PLD5: variants seen among roughly 807,000 people sequenced by gnomAD.
PLD5 encodes phospholipase D family member 5, also known as inactive phospholipase D5.
A neutral mutation model predicts 61.1 loss-of-function variants in PLD5; 36 were observed. The observed-to-expected ratio is 0.59, with a 90% CI of 0.45 to 0.78. PLD5 has a LOEUF of 0.78. PLD5 is among the 30% of genes least tolerant of loss of function. PLD5 has a pLI of 0.00. For missense variants in PLD5, 515 were observed against 644.4 expected, an observed-to-expected ratio of 0.80 and a Z score of 2.17; for synonymous variants, 243 against 242.8, an observed-to-expected ratio of 1.00 and a Z score of -0.01.
intron 1 of PLD5, among the ~76,000 whole-genome samples, chr1:242,417,665 T>A (rs1664904698): frequency 6.6e-6 from 1 of 152,182 alleles, no homozygotes; most frequent in African/African-American, 2.4e-5. Context: ...CTGGATGAGG[T>A]CAAGAGCCCT....
intron 5 of PLD5, among the ~76,000 whole-genome samples, chr1:242,155,163 T>G (rs557364135): frequency 6.6e-6 from 1 of 152,294 alleles, no homozygotes; most frequent in East Asian, 1.9e-4. Flanking sequence ...TCTCTGATGG[T>G]AACTTATATT....
intron 1 of PLD5, among the ~76,000 whole-genome samples, chr1:242,367,725 A>G (rs72763069): frequency 0.042 from 6,363 of 152,258 alleles, 310 homozygotes; most frequent in African/African-American, 0.12. Flanking sequence ...CGAAAGAGGT[A>G]CTGAACCCAG....
chr1:242,103,747 C>A (rs183169935), intron 8 of PLD5, among the ~76,000 whole-genome samples: 1 of 152,338 alleles, frequency 6.6e-6, no homozygotes, highest in Admixed American at 6.5e-5. Context: ...GAAAACAGAT[C>A]TGTGGTAGTA....
At chr1:242,459,328 C>T (rs931900991) in intron 1 of PLD5, among the ~76,000 whole-genome samples, 1 of 152,196 alleles carries the variant, frequency 6.6e-6, no homozygotes, top group African/African-American at 2.4e-5. Flanking sequence ...CTCAAGCACA[C>T]TTACCTGCTT....
chr1:242,463,651 A>G (rs912200803), intron 1 of PLD5, among the ~76,000 whole-genome samples: 9 of 151,908 alleles, frequency 5.9e-5, no homozygotes, highest in African/African-American at 1.9e-4. Context: ...CTGCCTTCCC[A>G]TCTATGACCA....
chr1:242,477,542 G>T (rs892373454), intron 1 of PLD5, among the ~76,000 whole-genome samples: 6 of 152,166 alleles, frequency 3.9e-5, no homozygotes, highest in Admixed American at 3.3e-4. Flanking sequence ...AGCTATACCC[G>T]CAGTTGAGGC....
chr1:242,476,359 A>T (rs1667596701), intron 1 of PLD5, among the ~76,000 whole-genome samples: 2 of 152,102 alleles, frequency 1.3e-5, no homozygotes, highest in South Asian at 4.1e-4. Context: ...CCGTCTCAAA[A>T]AAAAAAGAAA....
intron 9 of PLD5, among the ~76,000 whole-genome samples, chr1:242,097,438 C>A (rs1335476997): frequency 6.6e-6 from 1 of 152,122 alleles, no homozygotes; most frequent in East Asian, 1.9e-4. Context: ...TAATGATTGC[C>A]ATTCTAACTG....
At chr1:242,504,122 C>T (rs1479779592) in intron 1 of PLD5, among the ~76,000 whole-genome samples, 1 of 152,032 alleles carries the variant, frequency 6.6e-6, no homozygotes, top group Non-Finnish European at 1.5e-5. Flanking sequence ...AATGTACCTA[C>T]CAGAAATAAT....
At chr1:242,384,663 G>C (rs994125478) in intron 1 of PLD5, among the ~76,000 whole-genome samples, 2 of 152,132 alleles carry the variant, frequency 1.3e-5, no homozygotes, top group Admixed American at 1.3e-4. Flanking sequence ...TGTAGCAAGC[G>C]TTTTGTGAAA....
chr1:242,525,782 A>G (rs1572293330), upstream of PLD5, among the ~76,000 whole-genome samples: 3 of 152,196 alleles, frequency 2.0e-5, no homozygotes, highest in Admixed American at 2.0e-4. Context: ...GGATTTCACA[A>G]ACTTTTAGGA....
chr1:242,103,053 G>A (rs991114442), intron 8 of PLD5, among the ~76,000 whole-genome samples: 2 of 152,186 alleles, frequency 1.3e-5, no homozygotes, highest in Non-Finnish European at 2.9e-5. Flanking sequence ...AACAGTGGGT[G>A]GACATGGACC....
At chr1:242,098,210 A>G (rs1660400043) in intron 9 of PLD5, among the ~76,000 whole-genome samples, 3 of 152,096 alleles carry the variant, frequency 2.0e-5, no homozygotes, top group Admixed American at 1.3e-4. Context: ...TCAGACGTAG[A>G]TTTGGTCTTT....
intron 2 of PLD5, among the ~76,000 whole-genome samples, chr1:242,309,378 G>T (rs57303128): frequency 0.27 from 40,107 of 149,714 alleles, 5,775 homozygotes; most frequent in East Asian, 0.43. Flanking sequence ...TGTAGACTAA[G>T]TTTTCTTTTC....
intron 4 of PLD5, among the ~76,000 whole-genome samples, chr1:242,227,150 T>C (rs1168843799): frequency 6.6e-6 from 1 of 152,128 alleles, no homozygotes; most frequent in African/African-American, 2.4e-5. Flanking sequence ...ATCTCATCTA[T>C]AGATTATTCT....
At chr1:242,268,415 C>T (rs1382637964) in intron 3 of PLD5, among the ~76,000 whole-genome samples, 1 of 152,170 alleles carries the variant, frequency 6.6e-6, no homozygotes, top group Admixed American at 6.5e-5. Flanking sequence ...AAGAGACCAT[C>T]TAACTTATCT....
intron 2 of PLD5, among the ~76,000 whole-genome samples, chr1:242,314,969 A>T (rs764811763): frequency 3.3e-5 from 5 of 152,216 alleles, no homozygotes; most frequent in Non-Finnish European, 7.3e-5. Flanking sequence ...TCTGTAAATG[A>T]AATACAACAC....
At chr1:242,251,577 G>A (rs1343914976) in intron 4 of PLD5, among the ~76,000 whole-genome samples, 1 of 152,108 alleles carries the variant, frequency 6.6e-6, no homozygotes, top group Admixed American at 6.6e-5. Context: ...CGCAGTTGGA[G>A]GACTGCACAG....
At chr1:242,501,732 G>C (rs1025467389) in intron 1 of PLD5, among the ~76,000 whole-genome samples, 3 of 150,960 alleles carry the variant, frequency 2.0e-5, no homozygotes, top group Non-Finnish European at 4.4e-5. Context: ...AGATTTAAAA[G>C]ACATACTTTC....
Sources: allele counts gnomAD v4.1 joint callset (sites outside exome capture counted in the v4.1 genomes callset), GRCh38; gene constraint gnomAD v4.1.1; transcripts MANE v1.5; gene names NCBI Gene and HGNC (gene_info 2026-07-23, HGNC 2026-07-21).